Variants in FGGY observed in about 807,000 individuals in gnomAD.
FGGY encodes FGGY carbohydrate kinase domain-containing protein.
FGGY carries 72 observed loss-of-function variants against 71.3 expected under a neutral mutation model. The observed-to-expected ratio is 1.01, with a 90% CI of 0.84 to 1.23. The LOEUF (loss-of-function observed/expected upper bound fraction) is 1.23, where lower values mean the gene tolerates loss of function less well. FGGY is among the 50% of genes most tolerant of loss of function. The pLI, the probability that FGGY is intolerant of heterozygous loss-of-function variation, is 0.00. For synonymous variants in FGGY, 251 were observed against 250.3 expected (o/e 1.00, Z -0.02); for missense variants, 668 against 682.3 (o/e 0.98, Z 0.23).
At chr1:59,709,583 T>C (rs2097779649) in intron 14 of FGGY, among the ~76,000 whole-genome samples, 1 of 152,076 alleles carries the variant, frequency 6.6e-6, no homozygotes, top group South Asian at 2.1e-4. Flanking sequence ...ATGAAGTGGC[T>C]GTCAGCATGC....
chr1:59,386,532 C>T (rs1024047280), intron 5 of FGGY, among the ~76,000 whole-genome samples: 1 of 152,058 alleles, frequency 6.6e-6, no homozygotes, highest in African/African-American at 2.4e-5. Context: ...CTAAATTACT[C>T]TTCCACCCCC....
intron 7 of FGGY, among the ~76,000 whole-genome samples, chr1:59,524,322 C>A (rs778005544): frequency 1.3e-5 from 2 of 151,942 alleles, no homozygotes; most frequent in Non-Finnish European, 2.9e-5. Flanking sequence ...TCAGTAGGAA[C>A]AGACTGGGTG....
intron 1 of FGGY, among the ~76,000 whole-genome samples, chr1:59,306,913 G>A (rs1019864027): frequency 1.6e-4 from 24 of 152,184 alleles, no homozygotes; most frequent in African/African-American, 5.5e-4. Flanking sequence ...GCTGAGAGCT[G>A]AATAGCTTGG....
chr1:59,669,916 A>C (rs1265800819), intron 13 of FGGY, among the ~76,000 whole-genome samples: 5 of 152,204 alleles, frequency 3.3e-5, no homozygotes, highest in African/African-American at 1.2e-4. Context: ...GCTGACTCAG[A>C]AGCACGGCGG....
At chr1:59,389,872 T>C (rs566868350) in intron 5 of FGGY, among the ~76,000 whole-genome samples, 1 of 152,342 alleles carries the variant, frequency 6.6e-6, no homozygotes, top group South Asian at 2.1e-4. Context: ...TGATTGAATT[T>C]ATATCATCCT....
chr1:59,441,932 G>T (rs1432415621), intron 5 of FGGY, among the ~76,000 whole-genome samples: 1 of 152,110 alleles, frequency 6.6e-6, no homozygotes, highest in Non-Finnish European at 1.5e-5. Flanking sequence ...TACAACCTTT[G>T]TCCACCTGGT....
At chr1:59,676,300 GT>G (rs1432574573) in intron 14 of FGGY, among the ~76,000 whole-genome samples, 4 of 151,982 alleles carry the variant, frequency 2.6e-5, no homozygotes, top group Admixed American at 2.6e-4. Flanking sequence ...TGAAATGAAG[GT>G]CTCTCTGGGT....
intron 6 of FGGY, among the ~76,000 whole-genome samples, chr1:59,497,758 A>G (rs1418378632): frequency 6.6e-6 from 1 of 152,176 alleles, no homozygotes; most frequent in Non-Finnish European, 1.5e-5. Flanking sequence ...GAGAGAATGA[A>G]CAATTCTTCC....
intron 5 of FGGY, among the ~76,000 whole-genome samples, chr1:59,397,804 C>A (rs1303121532): frequency 6.6e-6 from 1 of 152,210 alleles, no homozygotes; most frequent in Admixed American, 6.5e-5. Flanking sequence ...TGCCTTTGCT[C>A]ATTCACAGGG....
chr1:59,361,079 C>A (rs1177356076), intron 4 of FGGY, among the ~76,000 whole-genome samples: 2 of 152,202 alleles, frequency 1.3e-5, no homozygotes, highest in East Asian at 3.8e-4. Flanking sequence ...TAATACCTTA[C>A]AGGGTGTCCT....
chr1:59,591,617 C>T (rs765627009), intron 8 of FGGY, among the ~76,000 whole-genome samples: 96 of 152,174 alleles, frequency 6.3e-4, no homozygotes, highest in Non-Finnish European at 9.9e-4. Context: ...CAGGACAGAG[C>T]CCTCAGAAAT....
intron 5 of FGGY, among the ~76,000 whole-genome samples, chr1:59,412,532 T>A (rs2063754924): frequency 1.3e-5 from 2 of 152,138 alleles, no homozygotes; most frequent in Non-Finnish European, 2.9e-5. Context: ...AGTAGAACCC[T>A]CTTCCTTGGG....
chr1:59,456,386 A>G lies in FGGY; in HGVS notation c.555-575A>G, dbSNP rs142209504. Among the ~76,000 whole-genome samples, 4 of 152,162 alleles carry G rather than the reference A, an allele frequency of 2.6e-5. No homozygotes were observed. The East Asian group carries it at 5.8e-4, about 22-fold the overall frequency. On this transcript the variant is annotated intron_variant, in intron 5 of 15. Transcript: ENST00000303721. ...TCTCACAAATGTCATGTAAACGTAGATGTAAATACGAATATTCATATACAG... is the reference window on the plus strand; with the variant it reads ...TCTCACAAATGTCATGTAAACGTAGGTGTAAATACGAATATTCATATACAG...
At chr1:59,654,540 C>CT (rs1005475555) in intron 11 of FGGY, among the ~76,000 whole-genome samples, 6 of 151,972 alleles carry the variant, frequency 3.9e-5, no homozygotes, top group African/African-American at 7.3e-5. Context: ...ATTTTTAAGC[C>CT]TTTTTTTTCT....
At chr1:59,471,342 A>G (rs568752184) in intron 6 of FGGY, among the ~76,000 whole-genome samples, 1 of 152,224 alleles carries the variant, frequency 6.6e-6, no homozygotes, top group African/African-American at 2.4e-5. Flanking sequence ...TGAGTCAATT[A>G]AACCTCTTTT....
At chr1:59,733,468 T>TG (rs77812028) in intron 14 of FGGY, among the ~76,000 whole-genome samples, 1 of 114,884 alleles carries the variant, frequency 8.7e-6, no homozygotes, top group African/African-American at 3.0e-5. Context: ...TTTGTTTTTT[T>TG]GTTTTGTTTT....
chr1:59,645,735 A>G (rs1240467942), intron 11 of FGGY, among the ~76,000 whole-genome samples: 2 of 152,210 alleles, frequency 1.3e-5, no homozygotes, highest in Non-Finnish European at 2.9e-5. Flanking sequence ...ATAACCACTC[A>G]ACCACTCAAC....
chr1:59,702,213 G>A (rs777887376), intron 14 of FGGY, among the ~76,000 whole-genome samples: 4 of 152,242 alleles, frequency 2.6e-5, no homozygotes, highest in East Asian at 1.9e-4. Context: ...CTCAACATAC[G>A]GGGATTACAA....
At chr1:59,653,032 C>T (rs1374790407) in intron 11 of FGGY, among the ~76,000 whole-genome samples, 2 of 152,286 alleles carry the variant, frequency 1.3e-5, no homozygotes, top group East Asian at 3.9e-4. Context: ...TCAGTGTGCT[C>T]CTGCTGGGGG....
Sources: allele counts gnomAD v4.1 joint callset (sites outside exome capture counted in the v4.1 genomes callset), GRCh38; gene constraint gnomAD v4.1.1; transcripts MANE v1.5; gene names NCBI Gene and HGNC (gene_info 2026-07-23, HGNC 2026-07-21).